Variants in OPN3 observed in about 807,000 individuals in gnomAD.
OPN3 encodes the protein opsin 3, also known as opsin-3.
OPN3 carries 29 observed loss-of-function variants against 33.8 expected under a neutral mutation model. The observed-to-expected ratio is 0.86, with a 90% CI of 0.64 to 1.17. OPN3 has a LOEUF of 1.17. Ranked by LOEUF, OPN3 falls within the 50% of genes most tolerant of loss-of-function variation. The pLI is 0.00. For missense variants in OPN3, 437 were observed against 514.1 expected, an observed-to-expected ratio of 0.85 and a Z score of 1.45; for synonymous variants, 216 against 216.1, an observed-to-expected ratio of 1.00 and a Z score of 0.00.
At chr1:241,606,586 T>TAAATAAATAAAA (rs774162885) in intron 1 of OPN3, among the ~76,000 whole-genome samples, 13 of 126,968 alleles carry the variant, frequency 1.0e-4, no homozygotes, top group Admixed American at 9.4e-4. Context: ...AATAAATAAA[T>TAAATAAATAAAA]AAAATAAATA....
intron 1 of OPN3, among the ~76,000 whole-genome samples, chr1:241,617,420 C>T (rs572715954): frequency 6.6e-6 from 1 of 152,236 alleles, no homozygotes; most frequent in East Asian, 1.9e-4. Context: ...GATTATTAAC[C>T]TGACAGCAAA....
In OPN3 at chr1:241,632,823, A is replaced by T. The variant is rs1179543762; in HGVS notation, c.373+7059T>A. The T allele has an allele frequency of 2.0e-5, 3 of 152,176 alleles. No homozygotes were observed. In the East Asian group the frequency reaches 5.8e-4, roughly 29 times the overall value. The allele number at this position is 152,176 out of a possible 1,614,324, so 9.4% of individuals were successfully genotyped here. On this transcript the variant is annotated intron_variant, in intron 1 of 3. Coordinates refer to ENST00000366554, the MANE Select transcript of OPN3 (RefSeq NM_014322.3). ...CTGAAAAACCTTGGGTAATCTATTT[A>T]TAGAGGGTTTTATAAGTATCTGTAA...
chr1:241,602,616 G>A (rs937942592), intron 2 of OPN3, among the ~76,000 whole-genome samples: 5 of 151,994 alleles, frequency 3.3e-5, no homozygotes, highest in Non-Finnish European at 2.9e-5. Context: ...TTATGCACTC[G>A]TGGGAAGACA....
chr1:241,605,622 G>A (rs1663808555), intron 1 of OPN3, among the ~76,000 whole-genome samples: 1 of 152,238 alleles, frequency 6.6e-6, no homozygotes, highest in Non-Finnish European at 1.5e-5. Flanking sequence ...GGGAATGTAC[G>A]TGTGTAAACA....
At chr1:241,635,754 G>A (rs747899016) in intron 1 of OPN3, 3 of 1,609,200 alleles carry the variant, frequency 1.9e-6, no homozygotes, top group Admixed American at 3.4e-5. Flanking sequence ...TCTGTGGGAA[G>A]ATTGTCCGCC....
chr1:241,601,560 G>T (rs1222518111), intron 2 of OPN3, among the ~76,000 whole-genome samples: 1 of 152,044 alleles, frequency 6.6e-6, no homozygotes, highest in African/African-American at 2.4e-5. Context: ...TTAAAAATTA[G>T]CCAGGCATGG....
intron 1 of OPN3, among the ~76,000 whole-genome samples, chr1:241,614,862 T>TCTGCCTATAGTCCCA (rs1573958274): frequency 6.6e-6 from 1 of 151,358 alleles, no homozygotes; most frequent in Non-Finnish European, 1.5e-5. Context: ...CTTAGACTTT[T>TCTGCCTATAGTCCCA]TGACTTGCCT....
At chr1:241,606,888 A>G (rs1663847373) in intron 1 of OPN3, among the ~76,000 whole-genome samples, 1 of 152,212 alleles carries the variant, frequency 6.6e-6, no homozygotes, top group Admixed American at 6.5e-5. Context: ...TAGCTCTGTA[A>G]CTTTCAGCAA....
intron 2 of OPN3, among the ~76,000 whole-genome samples, chr1:241,599,902 A>C (rs1439781570): frequency 6.6e-6 from 1 of 152,202 alleles, no homozygotes; most frequent in Non-Finnish European, 1.5e-5. Context: ...TATTTGAACT[A>C]GATATGAGAC....
intron 2 of OPN3, among the ~76,000 whole-genome samples, chr1:241,598,777 A>C (rs984734169): frequency 6.6e-6 from 1 of 152,206 alleles, no homozygotes; most frequent in Non-Finnish European, 1.5e-5. Context: ...CAGGCAAAGA[A>C]TATTTCTGCA....
chr1:241,614,574 A>G (rs181827464), intron 1 of OPN3, among the ~76,000 whole-genome samples: 209 of 152,374 alleles, frequency 1.4e-3, no homozygotes, highest in Middle Eastern at 3.4e-3. Context: ...GCACCTGTGC[A>G]GTAGCTTGGA....
At chr1:241,633,646 T>C (rs1339271411) in intron 1 of OPN3, 9 of 401,530 alleles carry the variant, frequency 2.2e-5, no homozygotes, top group Non-Finnish European at 3.1e-5. Context: ...AGATATTCAA[T>C]GCTGAATGTC....
intron 1 of OPN3, among the ~76,000 whole-genome samples, chr1:241,607,638 AAG>A (rs1663872704): frequency 2.0e-5 from 3 of 148,688 alleles, no homozygotes; most frequent in African/African-American, 7.6e-5. Flanking sequence ...AAGAAAAAGG[AAG>A]AAAGAAGAAA....
chr1:241,607,436 C>T (rs1163271834), intron 1 of OPN3, among the ~76,000 whole-genome samples: 2 of 152,054 alleles, frequency 1.3e-5, no homozygotes, highest in African/African-American at 4.8e-5. Context: ...ACTGCTTGAA[C>T]CTCGGAGACA....
rs149140479 is a variant in OPN3 at position 241,635,214 on chromosome 1, T to C, written c.373+4668A>G. 95 of 1,613,512 alleles carry C rather than the reference T, an allele frequency of 5.9e-5. No homozygotes were observed. In the African/African-American group the frequency reaches 1.0e-3, roughly 17 times the overall value. On this transcript the variant is annotated intron_variant, in intron 1 of 3. Transcript: ENST00000366554. ...TCTGAAACTGTGTGCATACAAGTTTTATCTCCACAATACTTTTCCTTCTCC... is the reference window on the plus strand; with the variant it reads ...TCTGAAACTGTGTGCATACAAGTTTCATCTCCACAATACTTTTCCTTCTCC...
At chr1:241,636,207 G>T in intron 1 of OPN3, 1 of 395,326 alleles carries the variant, frequency 2.5e-6, no homozygotes, top group Non-Finnish European at 4.5e-6. Flanking sequence ...TGTCTTAAAT[G>T]CTTTCTCACA....
At chr1:241,613,408 G>T (rs528738352) in intron 1 of OPN3, among the ~76,000 whole-genome samples, 1 of 152,192 alleles carries the variant, frequency 6.6e-6, no homozygotes, top group Non-Finnish European at 1.5e-5. Flanking sequence ...CACACAGTCT[G>T]CTTCCAAAGT....
At chr1:241,604,778 G>A (rs1297902710) in intron 1 of OPN3, among the ~76,000 whole-genome samples, 199 bp from the exon 2 acceptor site, 2 of 152,126 alleles carry the variant, frequency 1.3e-5, no homozygotes, top group African/African-American at 4.8e-5. Context: ...CCACAGAAGG[G>A]CAGTCAGTGG....
intron 1 of OPN3, chr1:241,635,700 G>A (rs139341154): frequency 6.2e-7 from 1 of 1,613,884 alleles, no homozygotes; most frequent in African/African-American, 1.3e-5. Context: ...GCAGCTGCAA[G>A]GATGGATTCG....
Sources: gnomAD v4.1 joint callset for allele counts (sites outside exome capture counted in the v4.1 genomes callset) on GRCh38, gnomAD v4.1.1 for gene constraint, MANE v1.5 for transcripts, NCBI Gene and HGNC (gene_info 2026-07-23, HGNC 2026-07-21) for gene names.